Variants in DNAH5 observed in about 807,000 individuals in gnomAD.
DNAH5 encodes the protein dynein axonemal heavy chain 5.
Under a neutral mutation model 518.2 loss-of-function variants are expected in DNAH5, and 372 were observed. That is an observed-to-expected ratio of 0.72 (90% CI 0.66 to 0.78). The LOEUF is 0.78. DNAH5 is among the 30% of genes least tolerant of loss of function. The pLI, the probability that DNAH5 is intolerant of heterozygous loss-of-function variation, is 0.00. For missense variants in DNAH5, 5,523 were observed against 5,687.0 expected (o/e 0.97, Z 0.93); for synonymous variants, 2,039 against 2,025.9 (o/e 1.01, Z -0.17).
intron 1 of DNAH5, among the ~76,000 whole-genome samples, chr5:13,996,044 A>C (rs1341971395): frequency 6.6e-6 from 1 of 152,194 alleles, no homozygotes; most frequent in Non-Finnish European, 1.5e-5. Flanking sequence ...CATTATCAGA[A>C]ATAGCCTTGA....
intron 24 of DNAH5, among the ~76,000 whole-genome samples, chr5:13,870,261 T>A (rs1211509940): frequency 6.6e-6 from 1 of 152,134 alleles, no homozygotes; most frequent in African/African-American, 2.4e-5. Context: ...CATCCCCGAC[T>A]ACTGAGAGTG....
chr5:13,794,122 T>C, intron 47 of DNAH5, 64 bp from the exon 48 acceptor site: 1 of 1,607,230 alleles, frequency 6.2e-7, no homozygotes, highest in Non-Finnish European at 8.5e-7. Flanking sequence ...TCAATTATTT[T>C]AAAAAACAAC....
chr5:13,769,269 A>G lies in DNAH5; in HGVS notation c.9721-133T>C, dbSNP rs529517469. ...GTTGTTTTTTTTTTTTTTTTTTGAG[A>G]TGGAGTCTCGCTCTGTCGCCCAGGC... On this transcript the variant is annotated intron_variant, in intron 57 of 78. Coordinates refer to ENST00000265104, the MANE Select transcript of DNAH5 (RefSeq NM_001369.3). 2.0e-4 allele frequency: 163 copies of G among 834,058 alleles called. 1 individual carries two copies. The South Asian group carries it at 2.4e-3, about 12-fold the overall frequency. The allele number at this position is 834,058 out of a possible 1,614,324, so 51.7% of individuals were successfully genotyped here.
chr5:13,854,268 T>G (rs1252309392), intron 30 of DNAH5, among the ~76,000 whole-genome samples: 1 of 152,122 alleles, frequency 6.6e-6, no homozygotes, highest in Non-Finnish European at 1.5e-5. Flanking sequence ...CCAGCCAAAC[T>G]AAGCTTCATA....
chr5:13,901,341 C>A lies in DNAH5; in HGVS notation c.1963G>T (p.Glu655Ter), dbSNP rs1774588932. The A allele has an allele frequency of 6.2e-7, 1 of 1,614,180 alleles. No homozygotes were observed. The highest frequency in any genetic ancestry group is 8.5e-7 in the Non-Finnish European group (1 of 1,180,030). Residue 655 changes from glutamate (E) to a stop codon, truncating the protein, a stop_gained, in exon 14 of 79, where the codon GAA (glutamate) becomes TAA (stop). Coordinates refer to ENST00000265104, the MANE Select transcript of DNAH5 (RefSeq NM_001369.3). LOFTEE classifies it high-confidence loss of function. ...TAACTGCGAATTATAGGTTTGGCTTCTGCCGTGCTTAGCACAGCTGGGTGC... is the reference window on the plus strand; with the variant it reads ...TAACTGCGAATTATAGGTTTGGCTTATGCCGTGCTTAGCACAGCTGGGTGC... Reference protein sequence around the residue: ...QQHPAVLSTAEAKPIIRSYNR... With the variant: ...QQHPAVLSTA
chr5:13,819,749 G>A (rs1761967766), intron 41 of DNAH5, among the ~76,000 whole-genome samples: 2 of 152,088 alleles, frequency 1.3e-5, no homozygotes, highest in African/African-American at 4.8e-5. Context: ...TTAGATGTAA[G>A]GCTTAGGGAC....
chr5:13,780,783 T>C, intron 53 of DNAH5, 46 bp downstream of exon 53: 1 of 1,608,576 alleles, frequency 6.2e-7, no homozygotes. Context: ...TCTGAGCACC[T>C]TTTATCAAAA....
At chr5:13,702,614 G>C (rs890344585) in intron 76 of DNAH5, among the ~76,000 whole-genome samples, 3 of 152,076 alleles carry the variant, frequency 2.0e-5, no homozygotes, top group Non-Finnish European at 2.9e-5. Flanking sequence ...TTGGCAATGA[G>C]AGGAGGCAAT....
At chr5:13,845,071 A>G (rs1765788158) in intron 31 of DNAH5, 78 bp from the exon 32 acceptor site, 26 of 1,367,048 alleles carry the variant, frequency 1.9e-5, no homozygotes, top group Non-Finnish European at 2.7e-5. Flanking sequence ...CCTGGATGGG[A>G]AAAGGGGAGA....
At chr5:13,960,100 G>A (rs1382422802) in intron 1 of DNAH5, among the ~76,000 whole-genome samples, 2 of 140,400 alleles carry the variant, frequency 1.4e-5, no homozygotes, top group African/African-American at 2.8e-5. Flanking sequence ...TGAGGGGAAC[G>A]CTTTTATCTT....
intron 63 of DNAH5, 100 bp from the exon 64 acceptor site, chr5:13,752,389 G>T: frequency 7.4e-7 from 1 of 1,359,390 alleles, no homozygotes; most frequent in Non-Finnish European, 1.0e-6. Flanking sequence ...TCTACTGCAA[G>T]AGACAAATAC....
chr5:13,864,773 G>T, intron 27 of DNAH5, 136 bp from the exon 28 acceptor site: 4 of 990,022 alleles, frequency 4.0e-6, no homozygotes, highest in East Asian at 4.9e-5. Context: ...TGACTTGCAG[G>T]CTGTCTGTTC....
chr5:13,798,264 T>G (rs1481991393), intron 47 of DNAH5, among the ~76,000 whole-genome samples: 2 of 152,276 alleles, frequency 1.3e-5, no homozygotes, highest in East Asian at 3.9e-4. Context: ...GAAGAGGATC[T>G]GAGGAGAGGA....
chr5:13,700,705 A>G lies in DNAH5; in HGVS notation c.13658T>C (p.Ile4553Thr), dbSNP rs757572628. ...AGWDKRNMKL[I>T]ESKPKVLFEL... ...AAAGAGCACTTTTGGCTTTGATTCA[A>G]TGAGTTTCATGTTCCTCTTGTCCCA... The change falls in exon 78 of 79, where the codon ATT becomes ACT. Residue 4553 changes from isoleucine (I) to threonine (T), a missense_variant. Ile to Thr is a moderately conservative substitution (Grantham distance 89). This residue lies in a region of DNAH5 where 387 missense variants were observed against 430.0 expected (regional missense o/e 0.90). Transcript: ENST00000265104. The G allele has an allele frequency of 6.2e-6, 10 of 1,614,154 alleles. 1 individual carries two copies. In the South Asian group the frequency reaches 8.8e-5, roughly 14 times the overall value.
At position 13,841,455 on chromosome 5, in the gene DNAH5, T is replaced by C. The variant is rs573227620; in HGVS notation, c.5484+237A>G. ...GATTAGGGAAAAAACCGTTTTAAAT[T>C]AAAGACAATACATCAAATATATCTA... is the stretch of plus-strand genomic sequence containing the variant. On this transcript the variant is annotated intron_variant, in intron 33 of 78. Coordinates refer to ENST00000265104, the MANE Select transcript of DNAH5 (RefSeq NM_001369.3). Among the ~76,000 whole-genome samples the C allele has an allele frequency of 4.6e-5, 7 of 152,340 alleles. No individual in the cohort carries two copies. The South Asian group carries it at 1.4e-3, about 32-fold the overall frequency.
chr5:13,965,537 G>T (rs751705955), intron 1 of DNAH5, among the ~76,000 whole-genome samples: 1 of 152,050 alleles, frequency 6.6e-6, no homozygotes, highest in Non-Finnish European at 1.5e-5. Flanking sequence ...CAAAAGACAC[G>T]CTTTGTTTAA....
Position 13,725,552 on chromosome 5 carries a change from C to A in DNAH5, c.12033+1955G>T, listed in dbSNP as rs573353474. 1.4e-3 allele frequency among the ~76,000 whole-genome samples: 215 copies of A among 152,348 alleles called. 1 individual carries two copies. The highest frequency in any genetic ancestry group is 2.2e-3 in the Non-Finnish European group (147 of 68,038). On this transcript the variant is annotated intron_variant, in intron 70 of 78. Transcript: ENST00000265104. ...ATACACTGCTCTTCACACAGCTCTG[C>A]AGAACTTGTTCATCCCAATATGTGG...
At chr5:13,784,295 G>C (rs191846269) in intron 52 of DNAH5, among the ~76,000 whole-genome samples, 10 of 152,216 alleles carry the variant, frequency 6.6e-5, no homozygotes, top group African/African-American at 2.4e-4. Flanking sequence ...TATTAAAAAT[G>C]ACAGAATGTT....
intron 68 of DNAH5, among the ~76,000 whole-genome samples, chr5:13,733,766 T>A (rs913402593): frequency 2.6e-5 from 4 of 152,166 alleles, no homozygotes; most frequent in African/African-American, 9.7e-5. Context: ...TATGTATGAC[T>A]ATGGACCTAT....
Sources: allele counts gnomAD v4.1 joint callset (sites outside exome capture counted in the v4.1 genomes callset), GRCh38; gene constraint gnomAD v4.1.1; regional missense constraint gnomAD v4.1.1; transcripts MANE v1.5; gene names NCBI Gene and HGNC (gene_info 2026-07-23, HGNC 2026-07-21).